The following CCDC178 variants were observed in gnomAD, a reference collection of about 807,000 sequenced individuals.
CCDC178 encodes the protein coiled-coil domain containing 178.
A neutral mutation model predicts 117.4 loss-of-function variants in CCDC178; 126 were observed. That is an observed-to-expected ratio of 1.07 (90% CI 0.93 to 1.24). CCDC178 has a LOEUF of 1.24. Ranked by LOEUF, CCDC178 falls within the 50% of genes most tolerant of loss-of-function variation. CCDC178 has a pLI of 0.00. For missense variants in CCDC178, 1,030 were observed against 986.9 expected (o/e 1.04, Z -0.59); for synonymous variants, 283 against 313.4 (o/e 0.90, Z 1.02).
chr18:33,076,531 A>T (rs2145016396), intron 21 of CCDC178, among the ~76,000 whole-genome samples: 1 of 152,286 alleles, frequency 6.6e-6, no homozygotes, highest in South Asian at 2.1e-4. Flanking sequence ...GTTTTTCCAA[A>T]TGTGTTGCCT....
At chr18:33,110,387 T>C (rs1297860919) in intron 20 of CCDC178, among the ~76,000 whole-genome samples, 1 of 151,588 alleles carries the variant, frequency 6.6e-6, no homozygotes, top group Non-Finnish European at 1.5e-5. Context: ...ATGGAACATC[T>C]CAATTTTTAA....
At chr18:33,117,218 G>T (rs939484841) in intron 20 of CCDC178, among the ~76,000 whole-genome samples, 2 of 152,090 alleles carry the variant, frequency 1.3e-5, no homozygotes, top group Non-Finnish European at 2.9e-5. Context: ...GAAGATTTTA[G>T]AAATCAAGTG....
chr18:32,940,940 T>C (rs1047311172), intron 22 of CCDC178, among the ~76,000 whole-genome samples: 1 of 151,970 alleles, frequency 6.6e-6, no homozygotes, highest in Non-Finnish European at 1.5e-5. Flanking sequence ...TGGGGAGACA[T>C]AGGAGGTAGA....
intron 20 of CCDC178, among the ~76,000 whole-genome samples, chr18:33,169,439 C>T (rs1242969859): frequency 6.6e-6 from 1 of 152,150 alleles, no homozygotes; most frequent in Non-Finnish European, 1.5e-5. Context: ...AATTCTGCTT[C>T]TATAACCAGG....
At chr18:33,214,172 A>T (rs1476771429) in intron 19 of CCDC178, among the ~76,000 whole-genome samples, 1 of 152,046 alleles carries the variant, frequency 6.6e-6, no homozygotes, top group Non-Finnish European at 1.5e-5. Context: ...CTCAGCATTC[A>T]TTGGAAATGA....
intron 21 of CCDC178, among the ~76,000 whole-genome samples, chr18:32,983,859 T>C (rs914514849): frequency 6.6e-6 from 1 of 152,072 alleles, no homozygotes; most frequent in African/African-American, 2.4e-5. Context: ...GCATAAGCCT[T>C]ATCAGTTCTG....
At chr18:33,053,767 G>T (rs1413802912) in intron 21 of CCDC178, among the ~76,000 whole-genome samples, 1 of 152,026 alleles carries the variant, frequency 6.6e-6, no homozygotes, top group African/African-American at 2.4e-5. Flanking sequence ...TTTCAAGAAC[G>T]CATTTGTATC....
At chr18:33,121,487 T>G (rs1274280547) in intron 20 of CCDC178, among the ~76,000 whole-genome samples, 1 of 152,112 alleles carries the variant, frequency 6.6e-6, no homozygotes, top group African/African-American at 2.4e-5. Flanking sequence ...GAAATCAACA[T>G]AGACACAGAT....
intron 21 of CCDC178, among the ~76,000 whole-genome samples, chr18:32,982,049 T>C (rs1013110714): frequency 7.2e-5 from 11 of 152,168 alleles, no homozygotes; most frequent in Non-Finnish European, 1.3e-4. Context: ...TGTGTTGAAA[T>C]AATGACTAGT....
intron 6 of CCDC178, among the ~76,000 whole-genome samples, chr18:33,362,600 CAT>C (rs2063146228): frequency 6.6e-6 from 1 of 151,886 alleles, no homozygotes; most frequent in African/African-American, 2.4e-5. Context: ...ATGAGACTAA[CAT>C]AGATATGTTA....
Position 33,201,092 on chromosome 18 carries a change from G to A in CCDC178, c.2238+10804C>T, listed in dbSNP as rs545450896. ...TGTCCTAGACATTGTGACAGACCCT[G>A]GAAGGCTCACAGGAGTGAGGTATTA... is the stretch of plus-strand genomic sequence containing the variant. On this transcript the variant is annotated intron_variant, in intron 20 of 22. Transcript: ENST00000383096. Among the ~76,000 whole-genome samples the A allele has an allele frequency of 3.9e-5, 6 of 152,274 alleles. No homozygotes were observed. In the East Asian group the frequency reaches 1.2e-3, roughly 29 times the overall value.
chr18:33,333,090 A>G (rs1222014111), intron 10 of CCDC178, 84 bp downstream of exon 10: 32 of 732,888 alleles, frequency 4.4e-5, no homozygotes, highest in Non-Finnish European at 8.9e-6. Flanking sequence ...AAAACCTTTA[A>G]AGCTGTGTTA....
chr18:33,098,298 A>G (rs1020563700), intron 20 of CCDC178, among the ~76,000 whole-genome samples: 1 of 152,074 alleles, frequency 6.6e-6, no homozygotes, highest in Non-Finnish European at 1.5e-5. Context: ...AATGCATAGC[A>G]ATGTGTCATA....
chr18:33,334,765 T>C (rs1214377357), intron 9 of CCDC178, among the ~76,000 whole-genome samples: 1 of 152,070 alleles, frequency 6.6e-6, no homozygotes, highest in African/African-American at 2.4e-5. Flanking sequence ...AGTTTGAAAT[T>C]GCATATTAAG....
intron 2 of CCDC178, among the ~76,000 whole-genome samples, chr18:33,420,557 G>GT (rs1334630466): frequency 5.9e-5 from 9 of 152,154 alleles, no homozygotes; most frequent in Non-Finnish European, 1.2e-4. Context: ...ATTTCGCCAT[G>GT]TTGGCTGGGC....
chr18:33,090,553 A>G (rs1456913025), intron 21 of CCDC178, among the ~76,000 whole-genome samples: 1 of 152,156 alleles, frequency 6.6e-6, no homozygotes, highest in Non-Finnish European at 1.5e-5. Flanking sequence ...AGAGTTTTCC[A>G]TTTTTGTTGG....
intron 21 of CCDC178, among the ~76,000 whole-genome samples, chr18:33,026,325 C>T (rs746242795): frequency 6.6e-6 from 1 of 151,944 alleles, no homozygotes; most frequent in Non-Finnish European, 1.5e-5. Flanking sequence ...TGATATTGCT[C>T]TATAGTTTTG....
At chr18:33,081,456 G>A (rs1415679765) in intron 21 of CCDC178, among the ~76,000 whole-genome samples, 2 of 152,104 alleles carry the variant, frequency 1.3e-5, no homozygotes, top group Non-Finnish European at 2.9e-5. Flanking sequence ...AAATCCTCAT[G>A]CATTAGTGCA....
At chr18:33,356,386 A>C in intron 6 of CCDC178, 40 bp from the exon 7 acceptor site, 1 of 1,434,664 alleles carries the variant, frequency 7.0e-7, no homozygotes, top group South Asian at 1.3e-5. Context: ...CAAATCTTAA[A>C]CATATTAAAA....
Sources: allele counts gnomAD v4.1 joint callset (sites outside exome capture counted in the v4.1 genomes callset), GRCh38; gene constraint gnomAD v4.1.1; transcripts MANE v1.5; gene names NCBI Gene and HGNC (gene_info 2026-07-23, HGNC 2026-07-21).